The following NKAIN2 variants were observed in gnomAD, a reference collection of about 807,000 sequenced individuals.
NKAIN2 encodes sodium/potassium transporting ATPase interacting 2, also known as sodium/potassium-transporting ATPase subunit beta-1-interacting protein 2.
Under a neutral mutation model 32.6 loss-of-function variants are expected in NKAIN2, and 14 were observed. The observed-to-expected ratio is 0.43, with a 90% CI of 0.28 to 0.67. The LOEUF is 0.67. NKAIN2 is among the 30% of genes least tolerant of loss of function. NKAIN2 has a pLI of 0.17. For synonymous variants in NKAIN2, 80 were observed against 87.2 expected (o/e 0.92, Z 0.46); for missense variants, 198 against 258.3 (o/e 0.77, Z 1.60).
intron 3 of NKAIN2, among the ~76,000 whole-genome samples, chr6:124,426,374 C>T (rs975839609): frequency 1.3e-5 from 2 of 151,960 alleles, no homozygotes; most frequent in Non-Finnish European, 2.9e-5. Flanking sequence ...TCAAAAGAAA[C>T]TATTAAGAGA....
chr6:124,537,612 G>A (rs1461468915), intron 3 of NKAIN2, among the ~76,000 whole-genome samples: 1 of 152,056 alleles, frequency 6.6e-6, no homozygotes, highest in East Asian at 1.9e-4. Context: ...TATCTTTTGT[G>A]TATGCTTGAT....
intron 4 of NKAIN2, among the ~76,000 whole-genome samples, chr6:124,702,390 G>A (rs1053345411): frequency 6.6e-6 from 1 of 152,040 alleles, no homozygotes; most frequent in Non-Finnish European, 1.5e-5. Flanking sequence ...TATTTATATT[G>A]ACTTGAATGA....
intron 3 of NKAIN2, among the ~76,000 whole-genome samples, chr6:124,603,201 A>T (rs955577664): frequency 6.6e-6 from 1 of 152,058 alleles, no homozygotes; most frequent in South Asian, 2.1e-4. Context: ...TATTCACAAG[A>T]TCTTATAACT....
Position 124,739,715 on chromosome 6 carries a change from C to T in NKAIN2, c.475-51624C>T, listed in dbSNP as rs191768175. Among the ~76,000 whole-genome samples the T allele has an allele frequency of 4.3e-4, 66 of 151,942 alleles. No individual in the cohort carries two copies. The East Asian group carries it at 0.012, about 27-fold the overall frequency. ...GCTTACACAATTTTCAACAGGGTCA[C>T]AAACGAAGATGAAGAGTGAGCACTG... On this transcript the variant is annotated intron_variant, in intron 4 of 6. Transcript: ENST00000368417.
intron 3 of NKAIN2, among the ~76,000 whole-genome samples, chr6:124,460,348 A>G (rs1269683617): frequency 2.0e-5 from 3 of 151,774 alleles, no homozygotes; most frequent in African/African-American, 4.8e-5. Context: ...ACTGCTGCAT[A>G]TGTTTTAGCC....
At chr6:123,969,919 A>T (rs967189238) in intron 1 of NKAIN2, among the ~76,000 whole-genome samples, 2 of 152,138 alleles carry the variant, frequency 1.3e-5, no homozygotes, top group African/African-American at 2.4e-5. Context: ...GAAAGAAGAC[A>T]TTCACTTATA....
intron 1 of NKAIN2, among the ~76,000 whole-genome samples, chr6:124,216,210 C>A (rs1342222762): frequency 6.6e-6 from 1 of 151,308 alleles, no homozygotes; most frequent in Non-Finnish European, 1.5e-5. Context: ...GAAATATGTG[C>A]GAGGATTTCA....
chr6:123,975,371 A>G (rs894315820), intron 1 of NKAIN2, among the ~76,000 whole-genome samples: 1 of 152,216 alleles, frequency 6.6e-6, no homozygotes, highest in Non-Finnish European at 1.5e-5. Context: ...TAATTGAATT[A>G]TACAAAAACT....
intron 5 of NKAIN2, among the ~76,000 whole-genome samples, chr6:124,801,125 C>T (rs1411401807): frequency 1.3e-5 from 2 of 152,160 alleles, no homozygotes; most frequent in Non-Finnish European, 2.9e-5. Context: ...TTTCATCATT[C>T]TGTTTTCCCA....
intron 3 of NKAIN2, among the ~76,000 whole-genome samples, chr6:124,500,067 A>C (rs370896460): frequency 1.3e-5 from 2 of 152,178 alleles, no homozygotes; most frequent in Admixed American, 6.5e-5. Context: ...TTTGTGATGA[A>C]ACCAAATATA....
chr6:124,622,684 A>G (rs1314265537), intron 3 of NKAIN2, among the ~76,000 whole-genome samples: 1 of 152,092 alleles, frequency 6.6e-6, no homozygotes, highest in Non-Finnish European at 1.5e-5. Context: ...AGCAGGGTGG[A>G]TGGGGAGCTG....
intron 1 of NKAIN2, among the ~76,000 whole-genome samples, chr6:123,992,795 T>A (rs937006719): frequency 3.3e-5 from 5 of 152,314 alleles, no homozygotes; most frequent in Admixed American, 6.5e-5. Flanking sequence ...GGGAGTTAAG[T>A]GGAGTTACTT....
chr6:124,420,941 C>T (rs1774717800), intron 3 of NKAIN2, among the ~76,000 whole-genome samples: 1 of 151,710 alleles, frequency 6.6e-6, no homozygotes, highest in Non-Finnish European at 1.5e-5. Flanking sequence ...TAGATGGCTG[C>T]AATAAATATT....
intron 1 of NKAIN2, chr6:124,122,013 T>C: frequency 3.0e-6 from 1 of 332,396 alleles, no homozygotes. Context: ...CTCATGACCA[T>C]ACATCAGTGT....
intron 3 of NKAIN2, among the ~76,000 whole-genome samples, chr6:124,397,101 A>C (rs780168307): frequency 5.3e-5 from 8 of 152,190 alleles, no homozygotes; most frequent in Non-Finnish European, 8.8e-5. Flanking sequence ...TTTTATTCAT[A>C]TCTCTGATAT....
At chr6:124,415,932 T>C (rs567988512) in intron 3 of NKAIN2, among the ~76,000 whole-genome samples, 13 of 147,816 alleles carry the variant, frequency 8.8e-5, no homozygotes, top group Non-Finnish European at 1.8e-4. Context: ...AGTCTTATCT[T>C]CTCCTCTGTG....
intron 1 of NKAIN2, among the ~76,000 whole-genome samples, chr6:123,874,355 A>G (rs564618810): frequency 4.6e-5 from 7 of 152,296 alleles, no homozygotes; most frequent in South Asian, 2.1e-4. Context: ...AAACATTCCA[A>G]ATTTTCTGGT....
chr6:124,167,393 G>T (rs1386105592), intron 1 of NKAIN2, among the ~76,000 whole-genome samples: 1 of 152,018 alleles, frequency 6.6e-6, no homozygotes, highest in Non-Finnish European at 1.5e-5. Context: ...TGCTGAAGTT[G>T]CTTATCAGCT....
intron 4 of NKAIN2, among the ~76,000 whole-genome samples, chr6:124,687,743 T>TACACACACACACACACACAC (rs373594549): frequency 2.9e-5 from 3 of 104,374 alleles, no homozygotes; most frequent in Admixed American, 1.3e-4. Flanking sequence ...ATATGATATA[T>TACACACACACACACACACAC]ACACACACAC....
Sources: allele counts gnomAD v4.1 joint callset (sites outside exome capture counted in the v4.1 genomes callset), GRCh38; gene constraint gnomAD v4.1.1; transcripts MANE v1.5; gene names NCBI Gene and HGNC (gene_info 2026-07-23, HGNC 2026-07-21).